Variants in DIP2C observed in about 807,000 individuals in gnomAD.
DIP2C encodes the protein disco-interacting protein 2 homolog C.
Under a neutral mutation model 192.4 loss-of-function variants are expected in DIP2C, and 33 were observed. The ratio of observed to expected loss-of-function variants is 0.17; its 90% CI spans 0.13 to 0.23. The LOEUF is 0.23. Ranked by LOEUF, DIP2C falls within the 10% of genes least tolerant of loss-of-function variation. DIP2C has a pLI of 1.00. For synonymous variants in DIP2C, 979 were observed against 864.1 expected (o/e 1.13, Z -2.33); for missense variants, 1,537 against 2,110.1 (o/e 0.73, Z 5.32).
chr10:291,107 G>A (rs1462437757), intron 32 of DIP2C, among the ~76,000 whole-genome samples: 1 of 152,236 alleles, frequency 6.6e-6, no homozygotes, highest in Non-Finnish European at 1.5e-5. Flanking sequence ...CCACTAAGGG[G>A]GCATGGAGGA....
At chr10:508,504 G>A (rs531452346) in intron 1 of DIP2C, among the ~76,000 whole-genome samples, 1 of 152,290 alleles carries the variant, frequency 6.6e-6, no homozygotes, top group South Asian at 2.1e-4. Flanking sequence ...ATAAATGACA[G>A]GTCCTGCTGC....
chr10:423,902 A>G (rs1186852084), intron 4 of DIP2C, among the ~76,000 whole-genome samples: 1 of 152,162 alleles, frequency 6.6e-6, no homozygotes, highest in African/African-American at 2.4e-5. Flanking sequence ...TCACCTTTAC[A>G]GTATTTGTTT....
rs116451403 is a variant in DIP2C at position 471,726 on chromosome 10, A to G, written c.268+713T>C. 6.1e-3 allele frequency among the ~76,000 whole-genome samples: 933 copies of G among 152,290 alleles called. 12 individuals are homozygous for G. The highest frequency in any genetic ancestry group is 0.022 in the African/African-American group (902 of 41,564). On this transcript the variant is annotated intron_variant, in intron 3 of 36. Coordinates refer to ENST00000280886, the MANE Select transcript of DIP2C (RefSeq NM_014974.3). ...ATGTTGGAAAAACTCTCTCAGAATA[A>G]TTCAAACATTAATCACAGCCTGAGT...
intron 9 of DIP2C, among the ~76,000 whole-genome samples, chr10:408,525 G>A (rs1374153444): frequency 6.6e-6 from 1 of 152,310 alleles, no homozygotes; most frequent in Non-Finnish European, 1.5e-5. Flanking sequence ...AGTAATCAAA[G>A]CTCATGCTCT....
Position 689,659 on chromosome 10 carries a change from C to A in DIP2C, c.-81G>T. Reference sequence around the variant, plus strand: ...CGGCGGCTCCTCGCGCCCGGCGGAACCGCACCGAGGAGGAGGCGGCGGCGC... The same window carrying A: ...CGGCGGCTCCTCGCGCCCGGCGGAAACGCACCGAGGAGGAGGCGGCGGCGC... On this transcript the variant is annotated 5_prime_UTR_variant, in exon 1 of 37. Transcript: ENST00000280886. The surrounding 1 kb of genome is among the most constrained non-coding windows in gnomAD (Gnocchi z 6.1). 1.0e-6 allele frequency: 1 copy of A among 968,292 alleles called. No individual in the cohort carries two copies. Among genetic ancestry groups the A allele is most frequent in the Non-Finnish European group, 1.2e-6 (1 of 800,478 alleles). The allele number at this position is 968,292 out of a possible 1,614,324, so 60.0% of individuals were successfully genotyped here.
Position 512,755 on chromosome 10 carries a change from A to C in DIP2C, c.86-26225T>G, listed in dbSNP as rs550482713. ...ATGGCAAAACCCCATCTCTAATAAAAACACAAAAATTAGCCAGGCATGATG... is the reference window on the plus strand; with the variant it reads ...ATGGCAAAACCCCATCTCTAATAAACACACAAAAATTAGCCAGGCATGATG... On this transcript the variant is annotated intron_variant, in intron 1 of 36. Transcript: ENST00000280886. Among the ~76,000 whole-genome samples, 6 of 152,138 alleles carry C rather than the reference A, an allele frequency of 3.9e-5. No individual in the cohort carries two copies. The South Asian group carries it at 1.2e-3, about 32-fold the overall frequency.
At chr10:470,017 G>A (rs1173464072) in intron 3 of DIP2C, among the ~76,000 whole-genome samples, 3 of 152,212 alleles carry the variant, frequency 2.0e-5, no homozygotes, top group African/African-American at 7.2e-5. Flanking sequence ...GATGGTGGAA[G>A]AATGGCTGAG....
intron 1 of DIP2C, among the ~76,000 whole-genome samples, chr10:522,131 G>C (rs1846750525): frequency 6.7e-6 from 1 of 149,280 alleles, no homozygotes; most frequent in African/African-American, 2.5e-5. Context: ...CGGTTTTACT[G>C]TCTCTGCAGT....
chr10:651,408 G>C lies in DIP2C; in HGVS notation c.85+38086C>G. ...AGCAAACTGTGGAACAACCAAACTC[G>C]TGACTGAATGAACAAGTATGTTAAG... On this transcript the variant is annotated intron_variant, in intron 1 of 36. Transcript: ENST00000280886. This position sits in a 1 kb window ranked among gnomAD's most constrained non-coding sequence, Gnocchi z 4.1. The C allele has an allele frequency of 2.9e-6, 2 of 698,624 alleles. No individual in the cohort carries two copies. Among genetic ancestry groups the C allele is most frequent in the Non-Finnish European group, 5.2e-6 (2 of 382,486 alleles). The allele number at this position is 698,624 out of a possible 1,614,324, so 43.3% of individuals were successfully genotyped here. A position where few individuals can be genotyped will look rare whatever the true frequency, so the allele number is the denominator to read the frequency against.
At chr10:642,884 G>A (rs371869195) in intron 1 of DIP2C, among the ~76,000 whole-genome samples, 1 of 152,242 alleles carries the variant, frequency 6.6e-6, no homozygotes, top group African/African-American at 2.4e-5. Context: ...GAAAGAGAAA[G>A]ATTAAAAAGA....
chr10:580,074 G>A (rs946257891), intron 1 of DIP2C, among the ~76,000 whole-genome samples: 1 of 152,078 alleles, frequency 6.6e-6, no homozygotes, highest in South Asian at 2.1e-4. Flanking sequence ...GTATGTACAT[G>A]CATATAGCAT....
Position 651,809 on chromosome 10 carries a change from G to A in DIP2C, c.85+37685C>T, listed in dbSNP as rs10904536. On this transcript the variant is annotated intron_variant, in intron 1 of 36. Transcript: ENST00000280886. This position sits in a 1 kb window ranked among gnomAD's most constrained non-coding sequence, Gnocchi z 4.1. ...TCAGTCATCATCAGCAGCAGCTGCG[G>A]CATGAGAGAGATGGTGTGGGGCGAA... 2,153 of 243,522 alleles carry A rather than the reference G, an allele frequency of 8.8e-3. 83 individuals are homozygous for A. The East Asian group carries it at 0.12, about 14-fold the overall frequency. The allele number at this position is 243,522 out of a possible 1,614,324, so 15.1% of individuals were successfully genotyped here.
At chr10:532,682 G>GGTGTGAGAGAGTATGGGT (rs1847466657) in intron 1 of DIP2C, among the ~76,000 whole-genome samples, 1 of 70,410 alleles carries the variant, frequency 1.4e-5, no homozygotes, top group Non-Finnish European at 2.8e-5. Context: ...AGAGAGTATG[G>GGTGTGAGAGAGTATGGGT]GTGTGAGAGA....
At chr10:513,181 C>T (rs975949312) in intron 1 of DIP2C, among the ~76,000 whole-genome samples, 2 of 151,974 alleles carry the variant, frequency 1.3e-5, no homozygotes, top group African/African-American at 2.4e-5. Context: ...CCTTCAGGTG[C>T]TGTATGCCTA....
chr10:341,031 CGA>C, intron 29 of DIP2C, 166 bp downstream of exon 29: 1 of 977,224 alleles, frequency 1.0e-6, no homozygotes, highest in East Asian at 2.4e-5. Context: ...CTGCTTTCCC[CGA>C]GAGCCAAGTC....
chr10:664,537 T>C (rs1292500714), intron 1 of DIP2C: 2 of 152,210 alleles, frequency 1.3e-5, no homozygotes, highest in Non-Finnish European at 1.5e-5. Context: ...ATGACACACA[T>C]AAGCCCAGTT....
chr10:318,708 A>G (rs1384454194), intron 31 of DIP2C, among the ~76,000 whole-genome samples: 1 of 152,170 alleles, frequency 6.6e-6, no homozygotes, highest in Non-Finnish European at 1.5e-5. Flanking sequence ...TGTCAGCAGG[A>G]AAGGGCATAA....
Position 387,824 on chromosome 10 carries a change from G to GA in DIP2C, c.1598-16dup. On this transcript the variant is annotated splice_polypyrimidine_tract_variant and intron_variant, in intron 13 of 36. Transcript: ENST00000280886. The stretch of plus-strand genomic sequence containing the variant: ...AATGGTTTCAGCTGCACAACAGAGG[G>GA]AGTCAGGAGATTTTTACTTAGGACA... The GA allele has an allele frequency of 1.9e-6, 3 of 1,614,150 alleles. No homozygotes were observed. Among genetic ancestry groups the GA allele is most frequent in the Non-Finnish European group, 2.5e-6 (3 of 1,179,994 alleles).
At chr10:422,526 G>A (rs1022338508) in intron 5 of DIP2C, among the ~76,000 whole-genome samples, 1 of 152,186 alleles carries the variant, frequency 6.6e-6, no homozygotes, top group East Asian at 1.9e-4. Context: ...ACCCTGTCCT[G>A]TTGATTGGGA....
Sources: allele counts gnomAD v4.1 joint callset (sites outside exome capture counted in the v4.1 genomes callset), GRCh38; gene constraint gnomAD v4.1.1; non-coding constraint Gnocchi (gnomAD v3.1); transcripts MANE v1.5; gene names NCBI Gene and HGNC (gene_info 2026-07-23, HGNC 2026-07-21).